Variants in MBP observed in about 807,000 individuals in gnomAD.
MBP encodes the protein myelin basic protein.
Under a neutral mutation model 35.8 loss-of-function variants are expected in MBP, and 16 were observed. The observed-to-expected ratio is 0.45, with a 90% CI of 0.30 to 0.68. MBP has a LOEUF of 0.68. Ranked by LOEUF, MBP falls within the 30% of genes least tolerant of loss-of-function variation. The pLI, the probability that MBP is intolerant of heterozygous loss-of-function variation, is 0.08. For synonymous variants in MBP, 143 were observed against 159.6 expected, an observed-to-expected ratio of 0.90 and a Z score of 0.78; for missense variants, 380 against 404.7, an observed-to-expected ratio of 0.94 and a Z score of 0.52.
intron 4 of MBP, chr18:77,014,500 T>C (rs888514044): frequency 1.0e-6 from 1 of 985,344 alleles, no homozygotes; most frequent in African/African-American, 1.7e-5. Context: ...TGCACACCTC[T>C]TCGGCCTATC....
intron 4 of MBP, among the ~76,000 whole-genome samples, chr18:76,996,838 C>A (rs923646553): frequency 1.2e-4 from 18 of 152,246 alleles, no homozygotes; most frequent in African/African-American, 3.9e-4. Flanking sequence ...ACCCCCAAAG[C>A]AAGCCCATTT....
intron 3 of MBP, among the ~76,000 whole-genome samples, chr18:77,028,890 A>AC (rs1972394752): frequency 2.8e-5 from 3 of 106,642 alleles, no homozygotes; most frequent in African/African-American, 8.8e-5. Context: ...CACTTCCCAG[A>AC]TGGGATGGCG....
rs552652879 is a variant in MBP at position 76,995,123 on chromosome 18, G to A, written c.577-5063C>T. 2.0e-5 allele frequency among the ~76,000 whole-genome samples: 3 copies of A among 152,220 alleles called. No homozygotes were observed. In the South Asian group the frequency reaches 6.2e-4, roughly 32 times the overall value. ...TAGCATCAAGGAAACAAAATATTAG[G>A]TATACATTTAGCAAAAATGTACAGA... On this transcript the variant is annotated intron_variant, in intron 4 of 8. Coordinates refer to ENST00000355994, the MANE Select transcript of MBP (RefSeq NM_001025101.2).
Position 76,984,911 on chromosome 18 carries a change from C to G in MBP, c.751-17G>C, listed in dbSNP as rs775306179. On this transcript the variant is annotated splice_polypyrimidine_tract_variant and intron_variant, in intron 7 of 8. Coordinates refer to ENST00000355994, the MANE Select transcript of MBP (RefSeq NM_001025101.2). ...TTCGGCCCCCTGCAAGAGAAGACCACGGAGCTCAACCTCCACCCGCGGTGC... is the reference window on the plus strand; with the variant it reads ...TTCGGCCCCCTGCAAGAGAAGACCAGGGAGCTCAACCTCCACCCGCGGTGC... 1 of 1,612,022 alleles carries G rather than the reference C, an allele frequency of 6.2e-7. No individual in the cohort carries two copies. Among genetic ancestry groups the G allele is most frequent in the Non-Finnish European group, 8.5e-7 (1 of 1,179,850 alleles).
At position 77,054,459 on chromosome 18, in the gene MBP, GT is replaced by G. The variant is rs1187823918; in HGVS notation, c.139+11838del. On this transcript the variant is annotated intron_variant, in intron 3 of 8. Transcript: ENST00000355994. ...GGTTGGAGAGGCCCCTGGGGAACAG[GT>G]GGAGGGGATTTGAGCAGGGAGCGAG... is the stretch of plus-strand genomic sequence containing the variant. 2.0e-5 allele frequency among the ~76,000 whole-genome samples: 3 copies of G among 152,224 alleles called. No individual in the cohort carries two copies. In the East Asian group the frequency reaches 5.8e-4, roughly 29 times the overall value.
chr18:77,023,381 C>T (rs1001750092), intron 3 of MBP, among the ~76,000 whole-genome samples: 5 of 152,178 alleles, frequency 3.3e-5, no homozygotes, highest in Non-Finnish European at 7.4e-5. Flanking sequence ...ACACAAGCGT[C>T]GCCAGGTCCT....
chr18:77,022,166 G>T (rs753428736), intron 3 of MBP, among the ~76,000 whole-genome samples: 2 of 152,156 alleles, frequency 1.3e-5, no homozygotes, highest in Non-Finnish European at 2.9e-5. Flanking sequence ...CATAAGACCT[G>T]GTTCCAAGGC....
At chr18:77,045,763 A>G (rs1973224891) in intron 3 of MBP, among the ~76,000 whole-genome samples, 1 of 152,266 alleles carries the variant, frequency 6.6e-6, no homozygotes, top group Non-Finnish European at 1.5e-5. Flanking sequence ...TAGAAACAGC[A>G]CCGATTAACA....
At chr18:77,132,036 G>A (rs1052050647) in intron 1 of MBP, among the ~76,000 whole-genome samples, 1 of 152,078 alleles carries the variant, frequency 6.6e-6, no homozygotes, top group Admixed American at 6.5e-5. Flanking sequence ...GGCCCCCGGG[G>A]TGTGATTAGC....
At chr18:77,105,587 C>T (rs559587125) in intron 1 of MBP, among the ~76,000 whole-genome samples, 1 of 152,030 alleles carries the variant, frequency 6.6e-6, no homozygotes, top group East Asian at 1.9e-4. Flanking sequence ...AAATATCTAT[C>T]TATTCATCCA....
At chr18:77,001,772 C>T (rs889851546) in intron 4 of MBP, among the ~76,000 whole-genome samples, 3 of 152,092 alleles carry the variant, frequency 2.0e-5, no homozygotes, top group Non-Finnish European at 2.9e-5. Flanking sequence ...ATCACCTGAA[C>T]CTGGGAGGCG....
intron 4 of MBP, among the ~76,000 whole-genome samples, chr18:76,997,807 C>G (rs1337013495): frequency 1.3e-5 from 2 of 151,410 alleles, no homozygotes; most frequent in East Asian, 3.9e-4. Flanking sequence ...CTCAACCTCC[C>G]GAGTAGCTGG....
intron 1 of MBP, chr18:77,115,236 A>C (rs1019536455): frequency 6.6e-6 from 1 of 152,226 alleles, no homozygotes; most frequent in African/African-American, 2.4e-5. Flanking sequence ...GACTTCAGGC[A>C]TTGCTCACAG....
intron 2 of MBP, chr18:77,087,199 C>T (rs1187524725): frequency 2.0e-5 from 3 of 152,280 alleles, no homozygotes; most frequent in African/African-American, 7.2e-5. Context: ...CGAAATAGCC[C>T]CGCGGCAGCG....
intron 2 of MBP, chr18:77,087,644 G>T: frequency 6.6e-6 from 1 of 152,636 alleles, no homozygotes; most frequent in Admixed American, 6.5e-5. Context: ...AAGGCTGGAG[G>T]CAAACACCGC....
chr18:77,095,352 T>C (rs889682356), intron 2 of MBP: 2 of 152,232 alleles, frequency 1.3e-5, no homozygotes, highest in African/African-American at 4.8e-5. Flanking sequence ...TCAAAAAATC[T>C]GCTTATGTGA....
intron 2 of MBP, among the ~76,000 whole-genome samples, chr18:77,068,522 C>A (rs1177170266): frequency 6.6e-6 from 1 of 152,210 alleles, no homozygotes; most frequent in Non-Finnish European, 1.5e-5. Context: ...ACCTCCTCTG[C>A]TCGGCTCATT....
intron 3 of MBP, among the ~76,000 whole-genome samples, chr18:77,028,135 C>CGCCTT (rs1972300961): frequency 6.7e-6 from 1 of 148,446 alleles, no homozygotes; most frequent in Admixed American, 6.7e-5. Flanking sequence ...GAGGACCCTG[C>CGCCTT]GGCCTTCCGC....
At chr18:77,103,821 G>C (rs1976144662) in intron 2 of MBP, among the ~76,000 whole-genome samples, 1 of 152,198 alleles carries the variant, frequency 6.6e-6, no homozygotes, top group Non-Finnish European at 1.5e-5. Context: ...GTGGGAAAAG[G>C]GTCCAGAACC....
Sources: allele counts gnomAD v4.1 joint callset (sites outside exome capture counted in the v4.1 genomes callset), GRCh38; gene constraint gnomAD v4.1.1; transcripts MANE v1.5; gene names NCBI Gene and HGNC (gene_info 2026-07-23, HGNC 2026-07-21).